Variants in PAPPA2 observed in about 807,000 individuals in gnomAD.
The protein encoded by PAPPA2 is pappalysin-2.
A neutral mutation model predicts 176.4 loss-of-function variants in PAPPA2; 86 were observed. The observed-to-expected ratio is 0.49, with a 90% CI of 0.41 to 0.58. PAPPA2 has a LOEUF of 0.58. Ranked by LOEUF, PAPPA2 falls within the 20% of genes least tolerant of loss-of-function variation. The pLI, the probability that PAPPA2 is intolerant of heterozygous loss-of-function variation, is 0.00. For synonymous variants in PAPPA2, 809 were observed against 852.2 expected, an observed-to-expected ratio of 0.95 and a Z score of 0.88; for missense variants, 2,073 against 2,256.9, an observed-to-expected ratio of 0.92 and a Z score of 1.65.
In PAPPA2 at chr1:176,843,042, C is replaced by T. The variant is rs1667543021; in HGVS notation, c.*588C>T. 6.6e-6 allele frequency: 1 copy of T among 150,994 alleles called. No homozygotes were observed. The highest frequency in any genetic ancestry group is 2.1e-4 in the South Asian group (1 of 4,786). The allele number at this position is 150,994 out of a possible 1,614,324, so 9.4% of individuals were successfully genotyped here. ...ATTATATTTTTTGCTGTTTACTAAG[C>T]TAAAAATTATTCATTGTTCCACACA... On this transcript the variant is annotated 3_prime_UTR_variant, in exon 23 of 23. Transcript: ENST00000367662.
intron 6 of PAPPA2, 113 bp downstream of exon 6, chr1:176,692,431 G>A: frequency 2.8e-6 from 3 of 1,080,292 alleles, no homozygotes; most frequent in East Asian, 2.4e-5. Flanking sequence ...ATAAATGTGT[G>A]CACCACTGCT....
At chr1:176,577,732 G>T (rs1383559732) in intron 2 of PAPPA2, among the ~76,000 whole-genome samples, 1 of 152,026 alleles carries the variant, frequency 6.6e-6, no homozygotes, top group African/African-American at 2.4e-5. Context: ...TGTTGGATAA[G>T]TAGTTCTGCA....
intron 3 of PAPPA2, among the ~76,000 whole-genome samples, chr1:176,658,599 G>A (rs557555257): frequency 6.6e-6 from 1 of 152,058 alleles, no homozygotes; most frequent in African/African-American, 2.4e-5. Context: ...ATAGAAAAGA[G>A]GCCTTGAATG....
intron 2 of PAPPA2, among the ~76,000 whole-genome samples, chr1:176,577,557 C>G (rs944442940): frequency 6.6e-6 from 1 of 152,110 alleles, no homozygotes; most frequent in African/African-American, 2.4e-5. Flanking sequence ...TTATCTAGAA[C>G]AGCTGAAAAA....
intron 14 of PAPPA2, among the ~76,000 whole-genome samples, chr1:176,743,889 TG>T (rs1482208545): frequency 2.0e-5 from 3 of 152,236 alleles, no homozygotes; most frequent in Admixed American, 6.5e-5. Flanking sequence ...ATAAGATCTA[TG>T]AGTGCTGAAT....
Position 176,842,498 on chromosome 1 carries a change from GAAA to G in PAPPA2, c.*45_*47del. ...CCCTCCACTGCCTCAGAGGCAGTAA[GAAA>G]GAGAGGCCGACCCAGGAGGAAACAA... On this transcript the variant is annotated 3_prime_UTR_variant, in exon 23 of 23. Coordinates refer to ENST00000367662, the MANE Select transcript of PAPPA2 (RefSeq NM_020318.3). The G allele has an allele frequency of 6.4e-7, 1 of 1,556,058 alleles. No homozygotes were observed. Among genetic ancestry groups the G allele is most frequent in the Non-Finnish European group, 8.9e-7 (1 of 1,129,464 alleles).
intron 12 of PAPPA2, among the ~76,000 whole-genome samples, chr1:176,714,365 G>T (rs937457905): frequency 2.7e-5 from 4 of 147,604 alleles, no homozygotes; most frequent in African/African-American, 1.0e-4. Flanking sequence ...ATGCAAAAAA[G>T]AATACTTTTT....
chr1:176,564,257 C>G (rs1558440037), intron 2 of PAPPA2, among the ~76,000 whole-genome samples: 1 of 152,144 alleles, frequency 6.6e-6, no homozygotes, highest in Non-Finnish European at 1.5e-5. Flanking sequence ...TTGCAAGACT[C>G]TAGACTCTTG....
chr1:176,842,287 C>T, intron 22 of PAPPA2, 93 bp from the exon 23 acceptor site: 1 of 1,160,852 alleles, frequency 8.6e-7, no homozygotes. Flanking sequence ...TTCTACAGTT[C>T]CTCTGGGACC....
chr1:176,631,647 A>T (rs1267252280), intron 3 of PAPPA2, among the ~76,000 whole-genome samples: 1 of 152,214 alleles, frequency 6.6e-6, no homozygotes, highest in East Asian at 1.9e-4. Context: ...GACAATATGG[A>T]TAAATCATTG....
chr1:176,826,501 C>T (rs1451369806), intron 21 of PAPPA2, among the ~76,000 whole-genome samples: 2 of 152,174 alleles, frequency 1.3e-5, no homozygotes, highest in African/African-American at 4.8e-5. Flanking sequence ...GAAAGTGAGA[C>T]TGGATGGACC....
intron 1 of PAPPA2, among the ~76,000 whole-genome samples, chr1:176,548,863 C>A (rs1412162260): frequency 1.3e-5 from 2 of 151,108 alleles, no homozygotes; most frequent in African/African-American, 2.4e-5. Flanking sequence ...GGCATTGGGC[C>A]CTCACTCAAG....
At chr1:176,570,952 C>G (rs568929997) in intron 2 of PAPPA2, among the ~76,000 whole-genome samples, 1 of 152,268 alleles carries the variant, frequency 6.6e-6, no homozygotes, top group African/African-American at 2.4e-5. Context: ...CTCTTCCACA[C>G]TGTTCTCCCT....
rs1335917326 is a variant in PAPPA2 at position 176,765,651 on chromosome 1, T to C, written c.4152-15T>C. On this transcript the variant is annotated splice_polypyrimidine_tract_variant and intron_variant, in intron 14 of 22. Coordinates refer to ENST00000367662, the MANE Select transcript of PAPPA2 (RefSeq NM_020318.3). ...CTCAACCAGTCCTAAGATGGTTCTA[T>C]TTCTCTTATCCCAGCTGTATCCATC... 9 of 1,612,286 alleles carry C rather than the reference T, an allele frequency of 5.6e-6. No individual in the cohort carries two copies. Among genetic ancestry groups the C allele is most frequent in the Non-Finnish European group, 7.6e-6 (9 of 1,178,978 alleles).
Position 176,556,485 on chromosome 1 carries a change from A to C in PAPPA2, c.163A>C (p.Lys55Gln), listed in dbSNP as rs778371691. 1 of 1,614,218 alleles carries C rather than the reference A, an allele frequency of 6.2e-7. No homozygotes were observed. The highest frequency in any genetic ancestry group is 8.5e-7 in the Non-Finnish European group (1 of 1,180,034). Residue 55 changes from lysine (K) to glutamine (Q), a missense_variant, in exon 2 of 23, where the codon AAG becomes CAG. Coordinates refer to ENST00000367662, the MANE Select transcript of PAPPA2 (RefSeq NM_020318.3). ...AGGAGAACGTTGTTGGCTGGGGGCC[A>C]AGGTTCGAAGACCCAGAGCTTCTCC... is the stretch of plus-strand genomic sequence containing the variant. The part of the protein sequence containing the change: ...LEGERCWLGA[K>Q]VRRPRASPQH...
chr1:176,575,086 G>A (rs1652569379), intron 2 of PAPPA2, among the ~76,000 whole-genome samples: 1 of 152,146 alleles, frequency 6.6e-6, no homozygotes, highest in South Asian at 2.1e-4. Flanking sequence ...AGTGCCTAAA[G>A]CCATGTTTAT....
intron 1 of PAPPA2, among the ~76,000 whole-genome samples, chr1:176,520,381 G>T (rs1034236919): frequency 1.3e-5 from 2 of 152,114 alleles, no homozygotes; most frequent in Non-Finnish European, 2.9e-5. Flanking sequence ...TGACTTACTG[G>T]AAGTCTTTCT....
At chr1:176,730,614 T>C (rs907388382) in intron 12 of PAPPA2, among the ~76,000 whole-genome samples, 2 of 151,660 alleles carry the variant, frequency 1.3e-5, no homozygotes, top group Non-Finnish European at 2.9e-5. Flanking sequence ...TTTTTTGTAT[T>C]TCGTTGATTT....
At chr1:176,523,532 G>A (rs943865337) in intron 1 of PAPPA2, among the ~76,000 whole-genome samples, 1 of 152,156 alleles carries the variant, frequency 6.6e-6, no homozygotes, top group African/African-American at 2.4e-5. Flanking sequence ...TGACAGAAAT[G>A]ATCTGTGCTC....
Sources: gnomAD v4.1 joint callset for allele counts (sites outside exome capture counted in the v4.1 genomes callset) on GRCh38, gnomAD v4.1.1 for gene constraint, MANE v1.5 for transcripts, NCBI Gene and HGNC (gene_info 2026-07-23, HGNC 2026-07-21) for gene names.